Variants in CCDC167 observed in about 807,000 individuals in gnomAD.
The protein encoded by CCDC167 is coiled-coil domain containing 167, also known as coiled-coil domain-containing protein 167.
CCDC167 carries 15 observed loss-of-function variants against 12.7 expected under a neutral mutation model. That is an observed-to-expected ratio of 1.18 (90% confidence interval 0.79 to 1.81). The LOEUF (loss-of-function observed/expected upper bound fraction) is 1.81, where lower values mean the gene tolerates loss of function less well. Among genes scored for constraint, CCDC167 ranks in the 40% most tolerant of loss-of-function variants. The pLI is 0.00. For missense variants in CCDC167, 121 were observed against 120.1 expected (o/e 1.01, Z -0.03); for synonymous variants, 52 against 49.0 (o/e 1.06, Z -0.26).
chr6:37,487,712 TA>T (rs1761965878), intron 1 of CCDC167, among the ~76,000 whole-genome samples: 2 of 152,204 alleles, frequency 1.3e-5, no homozygotes, highest in Non-Finnish European at 2.9e-5. Context: ...AGCAAAATCT[TA>T]AAATTTTGAG....
intron 1 of CCDC167, among the ~76,000 whole-genome samples, chr6:37,494,264 C>T (rs2776916): frequency 0.72 from 109,676 of 151,848 alleles, 40,214 homozygotes; most frequent in African/African-American, 0.83. Context: ...GGTTTCTCCA[C>T]GTTGGTCAGG....
rs142157714 is a variant in CCDC167 at position 37,483,858 on chromosome 6, A to G, written c.191-569T>C. 2.9e-4 allele frequency among the ~76,000 whole-genome samples: 44 copies of G among 152,296 alleles called. No individual in the cohort carries two copies. In the East Asian group the frequency reaches 8.5e-3, roughly 29 times the overall value. On this transcript the variant is annotated intron_variant, in intron 3 of 3. Coordinates refer to ENST00000373408, the MANE Select transcript of CCDC167 (RefSeq NM_138493.3). Reference sequence around the variant, plus strand: ...GCTGGTCTTGACTCTAGAGGAAATCAGTCCTGCTGCTCTATGGCCACACTT... The same window carrying G: ...GCTGGTCTTGACTCTAGAGGAAATCGGTCCTGCTGCTCTATGGCCACACTT...
intron 1 of CCDC167, among the ~76,000 whole-genome samples, chr6:37,494,656 T>C (rs1252995301): frequency 6.6e-6 from 1 of 152,148 alleles, no homozygotes. Flanking sequence ...TGTTGTTCCT[T>C]CCTCCTCCTT....
chr6:37,486,954 G>T (rs1761949439), intron 1 of CCDC167, among the ~76,000 whole-genome samples: 1 of 147,918 alleles, frequency 6.8e-6, no homozygotes, highest in Admixed American at 6.7e-5. Context: ...CTTAATTCTT[G>T]ATGCCCTACC....
intron 1 of CCDC167, among the ~76,000 whole-genome samples, chr6:37,499,486 C>T (rs1021845060): frequency 6.6e-6 from 1 of 152,172 alleles, no homozygotes; most frequent in African/African-American, 2.4e-5. Flanking sequence ...GTCTCCCTCA[C>T]CTCTGTACCC....
At chr6:37,492,015 CT>C (rs990409489) in intron 1 of CCDC167, among the ~76,000 whole-genome samples, 1 of 152,214 alleles carries the variant, frequency 6.6e-6, no homozygotes, top group African/African-American at 2.4e-5. Flanking sequence ...CACCTTACCC[CT>C]GGAGCTGGGC....
intron 1 of CCDC167, among the ~76,000 whole-genome samples, chr6:37,494,909 C>A (rs1762078897): frequency 6.8e-6 from 1 of 148,090 alleles, no homozygotes; most frequent in Non-Finnish European, 1.5e-5. Flanking sequence ...AAGCAATTCT[C>A]CTGCCTCAGC....
chr6:37,499,801 A>G (rs763176134), intron 1 of CCDC167, 21 bp downstream of exon 1: 1 of 1,613,548 alleles, frequency 6.2e-7, no homozygotes, highest in Non-Finnish European at 8.5e-7. Flanking sequence ...GAGGTGGCCC[A>G]ACCCCCACTT....
At position 37,487,083 on chromosome 6, in the gene CCDC167, G is replaced by A. The variant is rs988206795; in HGVS notation, c.43-1889C>T. ...GGAAATTAACCAGTCCTTCCTTCAT[G>A]AGGCTGAGTATATTCTTTGTTGCCC... On this transcript the variant is annotated intron_variant, in intron 1 of 3. Transcript: ENST00000373408. Among the ~76,000 whole-genome samples the A allele has an allele frequency of 7.9e-5, 12 of 152,306 alleles. No individual in the cohort carries two copies. The South Asian group carries it at 8.3e-4, about 11-fold the overall frequency.
intron 3 of CCDC167, among the ~76,000 whole-genome samples, chr6:37,484,286 A>G (rs955872457): frequency 1.3e-5 from 2 of 152,188 alleles, no homozygotes; most frequent in African/African-American, 4.8e-5. Flanking sequence ...CCCAGCCTTT[A>G]GCAGGGAGCC....
intron 2 of CCDC167, 34 bp downstream of exon 2, chr6:37,485,065 TG>T (rs746680485): frequency 3.6e-5 from 51 of 1,406,952 alleles, no homozygotes; most frequent in African/African-American, 1.5e-5. Context: ...GGGGGCCTGA[TG>T]GGGAAGGGTG....
chr6:37,496,460 T>G (rs1414037711), intron 1 of CCDC167, among the ~76,000 whole-genome samples: 1 of 151,822 alleles, frequency 6.6e-6, no homozygotes, highest in Non-Finnish European at 1.5e-5. Context: ...AAATAAAAAC[T>G]TAAAAGTCTG....
chr6:37,487,632 C>T (rs1009554929), intron 1 of CCDC167, among the ~76,000 whole-genome samples: 1 of 152,208 alleles, frequency 6.6e-6, no homozygotes, highest in Non-Finnish European at 1.5e-5. Context: ...TCCCTGAACA[C>T]CTCTGGAAGG....
intron 1 of CCDC167, among the ~76,000 whole-genome samples, chr6:37,494,082 T>TTTTTG (rs1762066249): frequency 8.5e-6 from 1 of 117,216 alleles, no homozygotes; most frequent in African/African-American, 2.9e-5. Context: ...TTTTTTTTTT[T>TTTTTG]GAGACGAAGT....
intron 1 of CCDC167, among the ~76,000 whole-genome samples, chr6:37,486,260 G>A (rs530944525): frequency 6.6e-6 from 1 of 152,338 alleles, no homozygotes; most frequent in African/African-American, 2.4e-5. Flanking sequence ...CCCCCAAATG[G>A]AATGACTTTC....
chr6:37,484,561 G>T (rs147843656), intron 3 of CCDC167, among the ~76,000 whole-genome samples: 5 of 152,140 alleles, frequency 3.3e-5, no homozygotes, highest in African/African-American at 1.2e-4. Context: ...ACCTGGCCAC[G>T]GCCACATCCC....
chr6:37,489,096 C>A (rs188798435), intron 1 of CCDC167, among the ~76,000 whole-genome samples: 2,136 of 152,202 alleles, frequency 0.014, 49 homozygotes, highest in African/African-American at 0.048. Context: ...ATTAGCCAGG[C>A]GTGGTGGCGC....
chr6:37,494,792 C>T (rs1409332517), intron 1 of CCDC167, among the ~76,000 whole-genome samples: 1 of 135,046 alleles, frequency 7.4e-6, no homozygotes, highest in Non-Finnish European at 1.6e-5. Context: ...TGCCAGTAGC[C>T]ACCTACCTAC....
At chr6:37,488,366 C>T (rs1033882276) in intron 1 of CCDC167, among the ~76,000 whole-genome samples, 3 of 152,202 alleles carry the variant, frequency 2.0e-5, no homozygotes, top group Admixed American at 1.3e-4. Context: ...CTTGGATTTT[C>T]AGCCAGCTCT....
Sources: gnomAD v4.1 joint callset for allele counts (sites outside exome capture counted in the v4.1 genomes callset) on GRCh38, gnomAD v4.1.1 for gene constraint, MANE v1.5 for transcripts, NCBI Gene and HGNC (gene_info 2026-07-23, HGNC 2026-07-21) for gene names.